EYS: variants seen among roughly 807,000 people sequenced by gnomAD.
EYS encodes protein eyes shut homolog.
EYS carries 250 observed loss-of-function variants against 282.1 expected under a neutral mutation model. The ratio of observed to expected loss-of-function variants is 0.89; its 90% CI spans 0.80 to 0.98. The LOEUF (loss-of-function observed/expected upper bound fraction) is 0.98. Ranked by LOEUF, EYS falls within the 50% of genes least tolerant of loss-of-function variation. The pLI is 0.00. For synonymous variants in EYS, 1,355 were observed against 1,282.9 expected (o/e 1.06, Z -1.20); for missense variants, 4,016 against 3,709.0 (o/e 1.08, Z -2.15).
Position 64,650,430 on chromosome 6 carries a change from A to T in EYS, c.3444-24185T>A, listed in dbSNP as rs183308908. ...AAACTTTTAGCCAGTGTGACTAAAAACAAAGAGAAACCCCAAAAAGAAATA... is the reference window on the plus strand; with the variant it reads ...AAACTTTTAGCCAGTGTGACTAAAATCAAAGAGAAACCCCAAAAAGAAATA... On this transcript the variant is annotated intron_variant, in intron 22 of 42. Coordinates refer to ENST00000503581, the MANE Select transcript of EYS (RefSeq NM_001142800.2). Among the ~76,000 whole-genome samples, 214 of 152,160 alleles carry T rather than the reference A, an allele frequency of 1.4e-3. 1 individual carries two copies. The highest frequency in any genetic ancestry group is 5.0e-3 in the African/African-American group (208 of 41,578).
intron 2 of EYS, among the ~76,000 whole-genome samples, chr6:65,617,719 C>A: frequency 7.7e-6 from 1 of 130,048 alleles, no homozygotes; most frequent in Non-Finnish European, 1.6e-5. Context: ...CACCCCACCA[C>A]AATCCCCAGA....
At chr6:64,460,076 A>T (rs980589332) in intron 26 of EYS, among the ~76,000 whole-genome samples, 3 of 152,124 alleles carry the variant, frequency 2.0e-5, no homozygotes, top group African/African-American at 7.2e-5. Context: ...AGGTCCCTAC[A>T]TTATTATTTT....
intron 12 of EYS, among the ~76,000 whole-genome samples, chr6:65,254,164 G>A (rs1767399284): frequency 6.6e-6 from 1 of 151,742 alleles, no homozygotes; most frequent in African/African-American, 2.4e-5. Context: ...CAAATCACCT[G>A]AGCAGTTGAG....
At chr6:64,042,873 A>G (rs879310625) in intron 33 of EYS, among the ~76,000 whole-genome samples, 8 of 152,072 alleles carry the variant, frequency 5.3e-5, no homozygotes, top group Admixed American at 2.0e-4. Context: ...CTTCCACTCC[A>G]CTTTCCTCAT....
At chr6:64,658,393 G>A (rs1157533744) in intron 22 of EYS, among the ~76,000 whole-genome samples, 1 of 152,188 alleles carries the variant, frequency 6.6e-6, no homozygotes, top group Non-Finnish European at 1.5e-5. Flanking sequence ...TGCTGCTGGT[G>A]AGGAGCTGCA....
chr6:63,943,508 T>A (rs1016542230), intron 35 of EYS, among the ~76,000 whole-genome samples: 1 of 152,198 alleles, frequency 6.6e-6, no homozygotes, highest in South Asian at 2.1e-4. Context: ...AACCTAAACA[T>A]TACAAAAATG....
At chr6:65,271,066 C>T (rs563197163) in intron 12 of EYS, among the ~76,000 whole-genome samples, 3 of 141,374 alleles carry the variant, frequency 2.1e-5, no homozygotes, top group East Asian at 2.2e-4. Flanking sequence ...ATCATAACAA[C>T]ATCCCACCGT....
chr6:64,791,665 T>G (rs191731382), intron 22 of EYS, among the ~76,000 whole-genome samples: 2 of 151,984 alleles, frequency 1.3e-5, no homozygotes, highest in East Asian at 3.9e-4. Flanking sequence ...TTTTGTATTG[T>G]TTTGCATTTA....
intron 35 of EYS, among the ~76,000 whole-genome samples, chr6:63,951,352 T>C (rs1272534103): frequency 6.6e-6 from 1 of 152,170 alleles, no homozygotes; most frequent in Non-Finnish European, 1.5e-5. Flanking sequence ...ATTCTTGTTG[T>C]AAAATGGACA....
At chr6:65,065,893 T>C (rs1052461353) in intron 12 of EYS, among the ~76,000 whole-genome samples, 4 of 152,210 alleles carry the variant, frequency 2.6e-5, no homozygotes, top group African/African-American at 9.6e-5. Context: ...GTCCTTGCTA[T>C]TAGAACCTAT....
chr6:65,008,963 G>A (rs560996398), intron 13 of EYS, among the ~76,000 whole-genome samples: 24 of 152,258 alleles, frequency 1.6e-4, no homozygotes, highest in East Asian at 3.9e-4. Context: ...GTGATGGGGC[G>A]CTTTACTCTT....
chr6:65,095,811 A>G lies in EYS; in HGVS notation c.2024-38084T>C, dbSNP rs1032548687. On this transcript the variant is annotated intron_variant, in intron 12 of 42. Coordinates refer to ENST00000503581, the MANE Select transcript of EYS (RefSeq NM_001142800.2). ...CGGAATTTAAGTCAACATGATAAAG[A>G]CTATATATGAAAAGCTCATGGCTAA... Among the ~76,000 whole-genome samples the G allele has an allele frequency of 7.3e-5, 11 of 150,644 alleles. No homozygotes were observed. The South Asian group carries it at 1.2e-3, about 17-fold the overall frequency.
chr6:65,183,577 T>C (rs1180230418), intron 12 of EYS, among the ~76,000 whole-genome samples: 1 of 151,960 alleles, frequency 6.6e-6, no homozygotes, highest in African/African-American at 2.4e-5. Context: ...TTAATTACTT[T>C]ATCAAATTTT....
At chr6:65,379,030 C>G (rs893503585) in intron 8 of EYS, among the ~76,000 whole-genome samples, 2 of 149,324 alleles carry the variant, frequency 1.3e-5, no homozygotes, top group Non-Finnish European at 3.0e-5. Context: ...ATTTAATGTA[C>G]AATAATAAAA....
intron 36 of EYS, among the ~76,000 whole-genome samples, chr6:63,850,435 T>C (rs941668607): frequency 6.6e-6 from 1 of 152,180 alleles, no homozygotes; most frequent in Non-Finnish European, 1.5e-5. Context: ...GAGAGAAAGA[T>C]TGGGTTACCC....
intron 31 of EYS, among the ~76,000 whole-genome samples, chr6:64,087,753 A>G (rs1772205366): frequency 6.6e-6 from 1 of 152,078 alleles, no homozygotes; most frequent in Non-Finnish European, 1.5e-5. Flanking sequence ...TCTTGTTGTT[A>G]GGGCTTTTCA....
chr6:65,312,925 A>T (rs373010040), intron 11 of EYS, among the ~76,000 whole-genome samples: 2 of 152,058 alleles, frequency 1.3e-5, no homozygotes, highest in East Asian at 3.9e-4. Context: ...GGATCTTCAG[A>T]TTATCACTGC....
chr6:65,225,721 G>GAAAAAAAAAAAAAAAAAAAAAAA (rs201575014), intron 12 of EYS, among the ~76,000 whole-genome samples: 2 of 95,354 alleles, frequency 2.1e-5, no homozygotes, highest in Non-Finnish European at 4.3e-5. Context: ...CATCAAAAAA[G>GAAAAAAAAAAAAAAAAAAAAAAA]AAAAAAAAAA....
chr6:65,120,930 A>G (rs1775529214), intron 12 of EYS, among the ~76,000 whole-genome samples: 1 of 152,058 alleles, frequency 6.6e-6, no homozygotes, highest in Non-Finnish European at 1.5e-5. Flanking sequence ...CTACATTTAT[A>G]TGTCTATTTT....
Sources: gnomAD v4.1 joint callset for allele counts (sites outside exome capture counted in the v4.1 genomes callset) on GRCh38, gnomAD v4.1.1 for gene constraint, MANE v1.5 for transcripts, NCBI Gene and HGNC (gene_info 2026-07-23, HGNC 2026-07-21) for gene names.